The following TENM4 variants were observed in gnomAD, a reference collection of about 807,000 sequenced individuals.
The protein encoded by TENM4 is teneurin-4.
TENM4 carries 82 observed loss-of-function variants against 243.3 expected under a neutral mutation model. That is an observed-to-expected ratio of 0.34 (90% CI 0.28 to 0.40). TENM4 has a LOEUF of 0.40. Ranked by LOEUF, TENM4 falls within the 10% of genes least tolerant of loss-of-function variation. The pLI is 1.00. For synonymous variants in TENM4, 1,412 were observed against 1,456.3 expected (o/e 0.97, Z 0.69); for missense variants, 3,138 against 3,673.3 (o/e 0.85, Z 3.77).
chr11:79,259,357 T>C (rs1015024192), intron 2 of TENM4, among the ~76,000 whole-genome samples: 2 of 152,204 alleles, frequency 1.3e-5, no homozygotes, highest in Non-Finnish European at 2.9e-5. Context: ...TTACTATCTG[T>C]TACATGTTAA....
At chr11:78,967,619 G>A (rs754194896) in intron 6 of TENM4, among the ~76,000 whole-genome samples, 1 of 152,198 alleles carries the variant, frequency 6.6e-6, no homozygotes, top group East Asian at 1.9e-4. Context: ...TTTGGGTGGG[G>A]CTCAGATGTA....
chr11:78,835,209 T>G (rs1858074973), intron 12 of TENM4, among the ~76,000 whole-genome samples: 3 of 152,170 alleles, frequency 2.0e-5, no homozygotes. Context: ...TTCCCTCAGC[T>G]TTAAAAACAG....
chr11:79,128,696 A>T (rs112895123), intron 4 of TENM4, among the ~76,000 whole-genome samples: 6 of 152,238 alleles, frequency 3.9e-5, no homozygotes, highest in Non-Finnish European at 7.3e-5. Flanking sequence ...GAAGGACAGC[A>T]GTGAAGGGAA....
At chr11:79,032,518 G>T (rs1453868689) in intron 6 of TENM4, among the ~76,000 whole-genome samples, 2 of 152,130 alleles carry the variant, frequency 1.3e-5, no homozygotes, top group East Asian at 3.9e-4. Context: ...TTTCTAAAAG[G>T]CGCCTCCTGC....
At chr11:78,856,696 G>A (rs1858688736) in intron 10 of TENM4, among the ~76,000 whole-genome samples, 1 of 151,974 alleles carries the variant, frequency 6.6e-6, no homozygotes, top group Non-Finnish European at 1.5e-5. Context: ...GCCAAATTCT[G>A]AGGCTGATAT....
At chr11:79,114,830 T>A (rs1861584734) in intron 4 of TENM4, among the ~76,000 whole-genome samples, 1 of 152,156 alleles carries the variant, frequency 6.6e-6, no homozygotes, top group Admixed American at 6.5e-5. Context: ...CTCCAAGGCA[T>A]TGGCCAGGAT....
Position 78,863,017 on chromosome 11 carries a change from G to A in TENM4, c.1200C>T (p.Pro400=). 6.6e-7 allele frequency: 1 copy of A among 1,522,246 alleles called. No homozygotes were observed. The highest frequency in any genetic ancestry group is 8.9e-7 in the Non-Finnish European group (1 of 1,124,398). 94.3% of individuals were successfully genotyped at this position (1,522,246 alleles called of 1,614,324 possible). A position where few individuals can be genotyped will look rare whatever the true frequency, so the allele number is the denominator to read the frequency against. Residue 400 remains proline (P), a synonymous_variant, in exon 10 of 34, where the codon CCC becomes CCT. Transcript: ENST00000278550. ...WPVPTDVSLY[P]SGGTGLETPD... is the part of the protein sequence containing the mutation. The stretch of plus-strand genomic sequence containing the variant: ...GGGTCTCTAAGCCAGTGCCCCCTGA[G>A]GGGTATAGGGAGACGTCGGTTGGCA...
At chr11:79,221,074 C>T (rs573989467) in intron 2 of TENM4, 1 of 152,208 alleles carries the variant, frequency 6.6e-6, no homozygotes, top group Non-Finnish European at 1.5e-5. Context: ...TCCTCCCAGG[C>T]CTCTGGACAG....
At position 78,903,360 on chromosome 11, in the gene TENM4, C is replaced by G. The variant is rs1282267918; in HGVS notation, c.657G>C (p.Ser219=). The change falls in exon 7 of 34, where the codon TCG becomes TCC. Residue 219 remains serine (S), a synonymous_variant. Transcript: ENST00000278550. ...SNPSPAPTDH[S]LSGEPPAGGA... is the part of the protein sequence containing the mutation. Reference sequence around the variant, plus strand: ...CGCCGGCAGGGGGCTCTCCGGAGAGCGAGTGGTCCGTGGGGGCCGGGCTGG... The same window carrying G: ...CGCCGGCAGGGGGCTCTCCGGAGAGGGAGTGGTCCGTGGGGGCCGGGCTGG... 2.0e-6 allele frequency: 3 copies of G among 1,496,512 alleles called. No homozygotes were observed. The East Asian group carries it at 7.8e-5, about 39-fold the overall frequency. 92.7% of individuals were successfully genotyped at this position (1,496,512 alleles called of 1,614,324 possible).
chr11:79,130,605 C>T (rs183868465), intron 4 of TENM4, among the ~76,000 whole-genome samples: 5 of 152,134 alleles, frequency 3.3e-5, no homozygotes, highest in East Asian at 1.9e-4. Context: ...GGGTGGATCA[C>T]GAGATCAGGA....
intron 6 of TENM4, among the ~76,000 whole-genome samples, chr11:79,056,065 T>G (rs1859935778): frequency 6.6e-6 from 1 of 152,056 alleles, no homozygotes; most frequent in Non-Finnish European, 1.5e-5. Context: ...TCATCCTGGG[T>G]CAGATGAAGT....
At chr11:78,854,428 G>A in intron 11 of TENM4, 114 bp from the exon 12 acceptor site, 2 of 950,348 alleles carry the variant, frequency 2.1e-6, no homozygotes, top group Non-Finnish European at 2.9e-6. Context: ...GGCAAAAAGG[G>A]CCCAAAGAGG....
At chr11:78,686,877 G>T (rs547698459) in intron 29 of TENM4, among the ~76,000 whole-genome samples, 1 of 152,300 alleles carries the variant, frequency 6.6e-6, no homozygotes, top group Admixed American at 6.5e-5. Flanking sequence ...GAAAGGCAAA[G>T]GACTAAATTT....
chr11:78,715,933 A>G (rs144035681), intron 25 of TENM4, among the ~76,000 whole-genome samples: 1 of 152,234 alleles, frequency 6.6e-6, no homozygotes, highest in Admixed American at 6.5e-5. Context: ...AGAGCTGCAG[A>G]GATGACTACC....
At chr11:79,010,874 T>C (rs1858625765) in intron 6 of TENM4, among the ~76,000 whole-genome samples, 2 of 152,142 alleles carry the variant, frequency 1.3e-5, no homozygotes, top group African/African-American at 4.8e-5. Context: ...TTAGCACCTG[T>C]CCACAATGTT....
intron 6 of TENM4, among the ~76,000 whole-genome samples, chr11:78,964,619 C>T (rs1253802367): frequency 6.6e-6 from 1 of 152,178 alleles, no homozygotes; most frequent in African/African-American, 2.4e-5. Context: ...CACCACTGAC[C>T]ACCCAGTACT....
chr11:78,760,662 GTC>G (rs568133960), intron 18 of TENM4, among the ~76,000 whole-genome samples: 120 of 152,288 alleles, frequency 7.9e-4, no homozygotes, highest in Non-Finnish European at 1.3e-3. Context: ...TAGTATTTGT[GTC>G]TCTCATTAGT....
chr11:78,985,226 A>G (rs1427829238), intron 6 of TENM4, among the ~76,000 whole-genome samples: 1 of 152,086 alleles, frequency 6.6e-6, no homozygotes, highest in Non-Finnish European at 1.5e-5. Flanking sequence ...GCCATGTCCT[A>G]TGTATTATTT....
chr11:79,078,596 G>T (rs926750988), intron 4 of TENM4, among the ~76,000 whole-genome samples: 12 of 152,148 alleles, frequency 7.9e-5, no homozygotes, highest in African/African-American at 2.7e-4. Flanking sequence ...AACACACCAG[G>T]ACTGGAATCC....
Sources: gnomAD v4.1 joint callset for allele counts (sites outside exome capture counted in the v4.1 genomes callset) on GRCh38, gnomAD v4.1.1 for gene constraint, MANE v1.5 for transcripts, NCBI Gene and HGNC (gene_info 2026-07-23, HGNC 2026-07-21) for gene names.